Variants in BTBD6 observed in about 807,000 individuals in gnomAD.
BTBD6 encodes BTB/POZ domain-containing protein 6.
BTBD6 carries 30 observed loss-of-function variants against 40.6 expected under a neutral mutation model. The ratio of observed to expected loss-of-function variants is 0.74; its 90% CI spans 0.55 to 1.00. The LOEUF (loss-of-function observed/expected upper bound fraction) is 1.00, where lower values mean the gene tolerates loss of function less well. BTBD6 is among the 50% of genes least tolerant of loss of function. The pLI is 0.00. For synonymous variants in BTBD6, 378 were observed against 308.7 expected (o/e 1.22, Z -2.35); for missense variants, 698 against 694.6 (o/e 1.00, Z -0.06).
chr14:105,248,916 C>G lies in BTBD6; in HGVS notation c.205C>G (p.Leu69Val). Residue 69 changes from leucine to valine, a missense_variant, in exon 1 of 4, where the codon CTA (leucine) becomes GTA (valine). Coordinates refer to ENST00000392554, the MANE Select transcript of BTBD6 (RefSeq NM_001387567.1). ...TCCCGCCAGCGCCGCGGCCGCGGAC[C>G]TAGCCAACAGCAACGCCGGCGCCGC... ...YAPASAAAAD[L>V]ANSNAGAAVG... The G allele has an allele frequency of 1.0e-6, 1 of 986,794 alleles. No homozygotes were observed. The allele number at this position is 986,794 out of a possible 1,614,324, so 61.1% of individuals were successfully genotyped here.
Position 105,248,573 on chromosome 14 carries a change from G to GCGGGCGGGTACGGGCT in BTBD6, c.-131_-130insTACGGGCTCGGGCGGG, listed in dbSNP as rs1555384279. 119 of 272,590 alleles carry GCGGGCGGGTACGGGCT rather than the reference G, an allele frequency of 4.4e-4. 1 individual carries two copies. In the East Asian group the frequency reaches 0.014, roughly 32 times the overall value. The allele number at this position is 272,590 out of a possible 1,614,324, so 16.9% of individuals were successfully genotyped here. Reference sequence around the variant, plus strand: ...GGCGCCGCGGCGGGTACGGGCTCGGGCGGGCGGGCGGGCGGGACGGCGCCC... The same window carrying GCGGGCGGGTACGGGCT: ...GGCGCCGCGGCGGGTACGGGCTCGGGCGGGCGGGTACGGGCTCGGGCGGGCGGGCGGGACGGCGCCC... On this transcript the variant is annotated 5_prime_UTR_variant, in exon 1 of 4. Transcript: ENST00000392554.
Position 105,248,643 on chromosome 14 carries a change from A to G in BTBD6, c.-69A>G, listed in dbSNP as rs2055330285. On this transcript the variant is annotated 5_prime_UTR_variant, in exon 1 of 4. Transcript: ENST00000392554. The stretch of plus-strand genomic sequence containing the variant: ...GGGCTGCGCTAGGCTGGGCTCGGGC[A>G]GGGTCGCAGGGGCGGGGGTGGCAGG... 1 of 976,486 alleles carries G rather than the reference A, an allele frequency of 1.0e-6. No individual in the cohort carries two copies. Among genetic ancestry groups the G allele is most frequent in the African/African-American group, 1.8e-5 (1 of 55,720 alleles). The allele number at this position is 976,486 out of a possible 1,614,324, so 60.5% of individuals were successfully genotyped here.
rs1312770248 is a variant in BTBD6, at chr14:105,248,930, C to T, written c.219C>T (p.Asn73=). The T allele has an allele frequency of 4.1e-6, 4 of 984,808 alleles. No individual in the cohort carries two copies. The highest frequency in any genetic ancestry group is 4.8e-6 in the Non-Finnish European group (4 of 831,160). The allele number at this position is 984,808 out of a possible 1,614,324, so 61.0% of individuals were successfully genotyped here. The change falls in exon 1 of 4, where the codon AAC becomes AAT. Residue 73 remains asparagine, a synonymous_variant. Coordinates refer to ENST00000392554, the MANE Select transcript of BTBD6 (RefSeq NM_001387567.1). Reference sequence around the variant, plus strand: ...CGGCCGCGGACCTAGCCAACAGCAACGCCGGCGCCGCCGTGGGCAGGAAGG... The same window carrying T: ...CGGCCGCGGACCTAGCCAACAGCAATGCCGGCGCCGCCGTGGGCAGGAAGG... ...SAAAADLANS[N]AGAAVGRKAG...
intron 2 of BTBD6, 48 bp from the exon 3 acceptor site, chr14:105,249,312 C>CG (rs2055421823): frequency 6.3e-7 from 1 of 1,589,554 alleles, no homozygotes; most frequent in African/African-American, 1.3e-5. Flanking sequence ...GTGGCTGACA[C>CG]GCAGCCTGCG....
At position 105,250,447 on chromosome 14, in the gene BTBD6, T is replaced by A; in HGVS notation, c.1392T>A (p.Ser464Arg). ...NLTKFMSDGSSNTFPVWFEHP... is the reference protein window; with the variant it reads ...NLTKFMSDGSRNTFPVWFEHP... Reference sequence around the variant, plus strand: ...CCAAGTTCATGTCAGACGGATCCAGTAACACCTTCCCGGTCTGGTTTGAAC... The same window carrying A: ...CCAAGTTCATGTCAGACGGATCCAGAAACACCTTCCCGGTCTGGTTTGAAC... The change falls in exon 4 of 4, where the codon AGT becomes AGA. Residue 464 changes from serine to arginine, a missense_variant. By Grantham distance (110) the Ser-to-Arg change is moderately radical. Transcript: ENST00000392554. 6.2e-7 allele frequency: 1 copy of A among 1,614,018 alleles called. No homozygotes were observed. The highest frequency in any genetic ancestry group is 8.5e-7 in the Non-Finnish European group (1 of 1,180,034).
At position 105,250,871 on chromosome 14, in the gene BTBD6, G is replaced by C. The variant is rs764422636; in HGVS notation, c.*199G>C. On this transcript the variant is annotated 3_prime_UTR_variant, in exon 4 of 4. Transcript: ENST00000392554. ...AGTCTTAGGCATCTCTGGTACAGTG[G>C]GGTGCACGTCTCAGGTGGAGGAAGA... 5 of 627,232 alleles carry C rather than the reference G, an allele frequency of 8.0e-6. No individual in the cohort carries two copies. Among genetic ancestry groups the C allele is most frequent in the Non-Finnish European group, 1.4e-5 (5 of 354,982 alleles). 38.9% of individuals were successfully genotyped at this position (627,232 alleles called of 1,614,324 possible).
In BTBD6 at chr14:105,249,074, G is replaced by A. The variant is rs966237274; in HGVS notation, c.363G>A (p.Thr121=). ...CCGGCTGGCGGTGCTGCCGCCCCAC[G>A]CTGCGCGAGAGGTGAGCCCGTGCCC... ...ESPGWRCCRP[T]LRERNALMFN... The change falls in exon 1 of 4, where the codon ACG becomes ACA. Residue 121 remains threonine, a synonymous_variant. Transcript: ENST00000392554. The A allele has an allele frequency of 2.9e-6, 4 of 1,370,522 alleles. No homozygotes were observed. Among genetic ancestry groups the A allele is most frequent in the African/African-American group, 3.1e-5 (2 of 64,628 alleles). The allele number at this position is 1,370,522 out of a possible 1,614,324, so 84.9% of individuals were successfully genotyped here.
chr14:105,250,406 C>T lies in BTBD6; in HGVS notation c.1351C>T (p.Leu451=), dbSNP rs1595387425. Reference sequence around the variant, plus strand: ...TGAGCTCAAGCGGCTCGGGGTGGTTCTGGCTCAGAACTTGACCAAGTTCAT... The same window carrying T: ...TGAGCTCAAGCGGCTCGGGGTGGTTTTGGCTCAGAACTTGACCAAGTTCAT... ...KIELKRLGVV[L]AQNLTKFMSD... The change falls in exon 4 of 4, where the codon CTG becomes TTG. Residue 451 remains leucine (L), a synonymous_variant. Transcript: ENST00000392554. 11 of 1,613,892 alleles carry T rather than the reference C, an allele frequency of 6.8e-6. No homozygotes were observed. The East Asian group carries it at 1.1e-4, about 16-fold the overall frequency.
chr14:105,249,318 C>T (rs1198151507), intron 2 of BTBD6, 42 bp from the exon 3 acceptor site: 15 of 1,595,114 alleles, frequency 9.4e-6, no homozygotes, highest in Non-Finnish European at 1.1e-5. Context: ...GACACGCAGC[C>T]TGCGGGAGAG....
chr14:105,250,701 C>T lies in BTBD6; in HGVS notation c.*29C>T, dbSNP rs769167809. Reference sequence around the variant, plus strand: ...GCCCGGGGAGGCTGCAGCAGGTCAGCGAGTGAGTGGAGGGGAAGTCAAGAT... The same window carrying T: ...GCCCGGGGAGGCTGCAGCAGGTCAGTGAGTGAGTGGAGGGGAAGTCAAGAT... On this transcript the variant is annotated 3_prime_UTR_variant, in exon 4 of 4. Transcript: ENST00000392554. 2.3e-5 allele frequency: 37 copies of T among 1,583,922 alleles called. No homozygotes were observed. The highest frequency in any genetic ancestry group is 2.3e-4 in the South Asian group (20 of 87,986).
chr14:105,250,345 C>T lies in BTBD6; in HGVS notation c.1290C>T (p.Gly430=), dbSNP rs371096157. 111 of 1,613,466 alleles carry T rather than the reference C, an allele frequency of 6.9e-5. No individual in the cohort carries two copies. Among genetic ancestry groups the T allele is most frequent in the Admixed American group, 2.2e-4 (13 of 60,004 alleles). The change falls in exon 4 of 4, where the codon GGC becomes GGT. Residue 430 remains glycine (G), a synonymous_variant. Coordinates refer to ENST00000392554, the MANE Select transcript of BTBD6 (RefSeq NM_001387567.1). ...TTATTGCAGGGCTGGGCCTGTATGG[C>T]TCCAGCTCTGGGAAGGCTGAGTACA... is the stretch of plus-strand genomic sequence containing the variant. ...RVFIAGLGLY[G]SSSGKAEYSV...
Position 105,250,288 on chromosome 14 carries a change from C to T in BTBD6, c.1233C>T (p.Asp411=). ...AGTGGCGGTACCGCGGGCGCTGCGA[C>T]AGCATCCAGTTTGCAGTGGACAGAA... ...SNQWRYRGRC[D]SIQFAVDRRV... Residue 411 remains aspartate, a synonymous_variant, in exon 4 of 4, where the codon GAC becomes GAT. Coordinates refer to ENST00000392554, the MANE Select transcript of BTBD6 (RefSeq NM_001387567.1). 1 of 1,613,170 alleles carries T rather than the reference C, an allele frequency of 6.2e-7. No individual in the cohort carries two copies. The highest frequency in any genetic ancestry group is 1.3e-5 in the African/African-American group (1 of 75,072).
Position 105,249,340 on chromosome 14 carries a change from G to A in BTBD6, c.466-20G>A, listed in dbSNP as rs773606708. 4.1e-5 allele frequency: 66 copies of A among 1,605,146 alleles called. No individual in the cohort carries two copies. In the Admixed American group the frequency reaches 4.7e-4, roughly 12 times the overall value. ...AGCCTGCGGGAGAGCCAGGCTCACG[G>A]CGGCGCTTTCTCCTCCCAGTACGTC... On this transcript the variant is annotated intron_variant, in intron 2 of 3. Coordinates refer to ENST00000392554, the MANE Select transcript of BTBD6 (RefSeq NM_001387567.1).
At position 105,249,154 on chromosome 14, in the gene BTBD6, C is replaced by T; in HGVS notation, c.375-3C>T. ...CCCCCAGCCCGTGCCTCTACCTTTG[C>T]AGGAACGCGCTCATGTTCAACAACG... is the stretch of plus-strand genomic sequence containing the variant. On this transcript the variant is annotated splice_region_variant and splice_polypyrimidine_tract_variant and intron_variant, in intron 1 of 3. Transcript: ENST00000392554. 3 of 1,571,906 alleles carry T rather than the reference C, an allele frequency of 1.9e-6. No homozygotes were observed. Among genetic ancestry groups the T allele is most frequent in the Non-Finnish European group, 2.6e-6 (3 of 1,166,380 alleles).
intron 2 of BTBD6, 56 bp downstream of exon 2, chr14:105,249,303 T>G: frequency 1.3e-6 from 2 of 1,584,804 alleles, no homozygotes; most frequent in South Asian, 2.3e-5. Context: ...GTCCGCCGTG[T>G]GGCTGACACG....
rs1373558729 is a variant in BTBD6 at position 105,249,345 on chromosome 14, G to A, written c.466-15G>A. On this transcript the variant is annotated splice_polypyrimidine_tract_variant and intron_variant, in intron 2 of 3. Coordinates refer to ENST00000392554, the MANE Select transcript of BTBD6 (RefSeq NM_001387567.1). ...GCGGGAGAGCCAGGCTCACGGCGGCGCTTTCTCCTCCCAGTACGTCTTGGC... is the reference window on the plus strand; with the variant it reads ...GCGGGAGAGCCAGGCTCACGGCGGCACTTTCTCCTCCCAGTACGTCTTGGC... 6 of 1,606,748 alleles carry A rather than the reference G, an allele frequency of 3.7e-6. No individual in the cohort carries two copies. Among genetic ancestry groups the A allele is most frequent in the Admixed American group, 1.7e-5 (1 of 59,296 alleles).
chr14:105,250,287 A>G lies in BTBD6; in HGVS notation c.1232A>G (p.Asp411Gly), dbSNP rs749153531. The G allele has an allele frequency of 6.2e-7, 1 of 1,613,120 alleles. No individual in the cohort carries two copies. Among genetic ancestry groups the G allele is most frequent in the South Asian group, 1.1e-5 (1 of 91,090 alleles). ...CAGTGGCGGTACCGCGGGCGCTGCG[A>G]CAGCATCCAGTTTGCAGTGGACAGA... ...SNQWRYRGRC[D>G]SIQFAVDRRV... is the part of the protein sequence containing the mutation. The change falls in exon 4 of 4, where the codon GAC (aspartate) becomes GGC (glycine). Residue 411 changes from aspartate (D) to glycine (G), a missense_variant. Coordinates refer to ENST00000392554, the MANE Select transcript of BTBD6 (RefSeq NM_001387567.1).
rs1386738404 is a variant in BTBD6, at chr14:105,248,576, G to GGCGAGCGGGCGA, written c.-133_-132insAGCGGGCGAGCG. ...GCCGCGGCGGGTACGGGCTCGGGCG[G>GGCGAGCGGGCGA]GCGGGCGGGCGGGACGGCGCCCCCC... On this transcript the variant is annotated 5_prime_UTR_variant, in exon 1 of 4. Transcript: ENST00000392554. 9.0e-5 allele frequency: 82 copies of GGCGAGCGGGCGA among 913,598 alleles called. No homozygotes were observed. The South Asian group carries it at 2.1e-3, about 23-fold the overall frequency. 56.6% of individuals were successfully genotyped at this position (913,598 alleles called of 1,614,324 possible).
chr14:105,250,094 G>T lies in BTBD6; in HGVS notation c.1039G>T (p.Ala347Ser). ...TCCAACCATGACCCTAGAGGAGTTT[G>T]CCAACGGCGCTGCCCAGTCAGACAT... ...RIPTMTLEEF[A>S]NGAAQSDILT... The change falls in exon 4 of 4, where the codon GCC (alanine) becomes TCC (serine). Residue 347 changes from alanine (A) to serine (S), a missense_variant. Transcript: ENST00000392554. 1 of 1,612,948 alleles carries T rather than the reference G, an allele frequency of 6.2e-7. No homozygotes were observed. The highest frequency in any genetic ancestry group is 8.5e-7 in the Non-Finnish European group (1 of 1,180,032).
Sources: allele counts gnomAD v4.1 joint callset, GRCh38; gene constraint gnomAD v4.1.1; transcripts MANE v1.5; gene names NCBI Gene and HGNC (gene_info 2026-07-23, HGNC 2026-07-21).